Variants in HS3ST4 observed in about 807,000 individuals in gnomAD.
HS3ST4 encodes the protein heparan sulfate glucosamine 3-O-sulfotransferase 4.
A neutral mutation model predicts 29.2 loss-of-function variants in HS3ST4; 17 were observed. The observed-to-expected ratio is 0.58, with a 90% CI of 0.40 to 0.87. The LOEUF (loss-of-function observed/expected upper bound fraction) is 0.87, where lower values mean the gene tolerates loss of function less well. HS3ST4 is among the 40% of genes least tolerant of loss of function. The probability of loss-of-function intolerance (pLI) is 0.00; values close to 1 mark genes in which losing one functional copy is unlikely to be tolerated. For missense variants in HS3ST4, 627 were observed against 634.5 expected (o/e 0.99, Z 0.13); for synonymous variants, 314 against 285.7 (o/e 1.10, Z -1.00).
intron 1 of HS3ST4, among the ~76,000 whole-genome samples, chr16:25,803,423 T>A (rs1252932561): frequency 6.6e-6 from 1 of 152,198 alleles, no homozygotes; most frequent in Non-Finnish European, 1.5e-5. Flanking sequence ...TTTTCTTTGT[T>A]GTTCGTTGAT....
intron 1 of HS3ST4, among the ~76,000 whole-genome samples, chr16:25,936,175 A>G (rs1478249136): frequency 6.6e-6 from 1 of 152,210 alleles, no homozygotes; most frequent in Non-Finnish European, 1.5e-5. Context: ...TGATACCATT[A>G]TGTGGATTTC....
At chr16:25,918,758 T>C (rs1260887266) in intron 1 of HS3ST4, among the ~76,000 whole-genome samples, 1 of 152,140 alleles carries the variant, frequency 6.6e-6, no homozygotes, top group African/African-American at 2.4e-5. Flanking sequence ...TGAGCCGAGA[T>C]TGTGCCACTG....
At chr16:25,784,457 GAAGGAAATTAAAAGTTC>G (rs1966855492) in intron 1 of HS3ST4, among the ~76,000 whole-genome samples, 1 of 152,222 alleles carries the variant, frequency 6.6e-6, no homozygotes, top group Non-Finnish European at 1.5e-5. Context: ...GAAAGTTTTT[GAAGGAAATTAAAAGTTC>G]CACTCCAGTG....
intron 1 of HS3ST4, among the ~76,000 whole-genome samples, chr16:25,826,831 T>C (rs957991758): frequency 2.6e-5 from 4 of 152,138 alleles, no homozygotes; most frequent in Non-Finnish European, 5.9e-5. Context: ...TGAGTGGGTT[T>C]ATCTCTTTAT....
At chr16:25,904,201 T>C (rs1031993282) in intron 1 of HS3ST4, among the ~76,000 whole-genome samples, 6 of 151,874 alleles carry the variant, frequency 4.0e-5, no homozygotes, top group African/African-American at 1.2e-4. Context: ...GACAGATGAA[T>C]GGATGGATGG....
At chr16:26,050,788 G>A (rs1898332664) in intron 1 of HS3ST4, among the ~76,000 whole-genome samples, 1 of 152,142 alleles carries the variant, frequency 6.6e-6, no homozygotes, top group Non-Finnish European at 1.5e-5. Context: ...TTGTGTGAAG[G>A]CATGCATCCA....
intron 1 of HS3ST4, among the ~76,000 whole-genome samples, chr16:25,884,852 G>A (rs1967932929): frequency 6.6e-6 from 1 of 152,158 alleles, no homozygotes; most frequent in Non-Finnish European, 1.5e-5. Context: ...TAGGATTACA[G>A]GCGTCAACCA....
In HS3ST4 at chr16:25,952,363, G is replaced by C. The variant is rs183183496; in HGVS notation, c.735-183249G>C. Among the ~76,000 whole-genome samples the C allele has an allele frequency of 1.2e-3, 178 of 152,274 alleles. No individual in the cohort carries two copies. The Middle Eastern group carries it at 0.014, about 12-fold the overall frequency. ...CCAGGAAAGAAATGGAGTGATATAG[G>C]GGGGTATGCAGTCTCTGACCTTGAA... On this transcript the variant is annotated intron_variant, in intron 1 of 1. Coordinates refer to ENST00000331351, the MANE Select transcript of HS3ST4 (RefSeq NM_006040.3).
chr16:25,712,079 C>T (rs563970184), intron 1 of HS3ST4, among the ~76,000 whole-genome samples: 13 of 152,042 alleles, frequency 8.6e-5, no homozygotes, highest in Non-Finnish European at 1.5e-4. Flanking sequence ...AACACTTTTA[C>T]GTTTATAAAA....
At chr16:25,930,921 CA>C (rs971410807) in intron 1 of HS3ST4, among the ~76,000 whole-genome samples, 42 of 147,758 alleles carry the variant, frequency 2.8e-4, no homozygotes, top group East Asian at 4.0e-4. Context: ...AAAACAAAAA[CA>C]AAAAAAAAAC....
intron 1 of HS3ST4, among the ~76,000 whole-genome samples, chr16:25,793,022 T>G (rs1414589413): frequency 2.0e-5 from 3 of 151,924 alleles, no homozygotes; most frequent in Admixed American, 6.5e-5. Context: ...GTTTTACTCA[T>G]GGTTACTAAC....
intron 1 of HS3ST4, among the ~76,000 whole-genome samples, chr16:25,724,473 C>T (rs1163243183): frequency 6.6e-6 from 1 of 151,488 alleles, no homozygotes; most frequent in Non-Finnish European, 1.5e-5. Flanking sequence ...AAGCGATTCT[C>T]CTGCCTCAGT....
chr16:25,840,574 T>G (rs933951568), intron 1 of HS3ST4, among the ~76,000 whole-genome samples: 1 of 152,242 alleles, frequency 6.6e-6, no homozygotes, highest in East Asian at 1.9e-4. Context: ...GTAAAGATAA[T>G]GTAATATCAG....
intron 1 of HS3ST4, among the ~76,000 whole-genome samples, chr16:25,878,338 C>T (rs1055573320): frequency 1.3e-5 from 2 of 152,152 alleles, no homozygotes; most frequent in Non-Finnish European, 2.9e-5. Flanking sequence ...TTAATCATTC[C>T]CAGATTCTTT....
chr16:26,070,083 G>A (rs1415131136), intron 1 of HS3ST4, among the ~76,000 whole-genome samples: 2 of 152,080 alleles, frequency 1.3e-5, no homozygotes, highest in Admixed American at 6.6e-5. Context: ...GTAATGGGAT[G>A]GCTGGGTCAA....
At chr16:26,044,730 A>C (rs920871046) in intron 1 of HS3ST4, among the ~76,000 whole-genome samples, 1 of 151,838 alleles carries the variant, frequency 6.6e-6, no homozygotes, top group Non-Finnish European at 1.5e-5. Context: ...AGGCAGGGGC[A>C]TCTGCAGGTT....
chr16:25,887,126 G>T (rs548923797), intron 1 of HS3ST4, among the ~76,000 whole-genome samples: 7 of 152,108 alleles, frequency 4.6e-5, no homozygotes, highest in Non-Finnish European at 8.8e-5. Flanking sequence ...TGGGTGACCT[G>T]GGGGTGGGGG....
chr16:25,766,270 G>A (rs563091730), intron 1 of HS3ST4, among the ~76,000 whole-genome samples: 1 of 152,200 alleles, frequency 6.6e-6, no homozygotes, highest in South Asian at 2.1e-4. Context: ...CAATCTCCTG[G>A]CACCCAGGAG....
intron 1 of HS3ST4, among the ~76,000 whole-genome samples, chr16:26,008,425 T>A (rs1969278082): frequency 6.6e-6 from 1 of 152,196 alleles, no homozygotes; most frequent in Non-Finnish European, 1.5e-5. Flanking sequence ...AGGGTACCCC[T>A]CCCAGAGGGA....
Sources: allele counts gnomAD v4.1 joint callset (sites outside exome capture counted in the v4.1 genomes callset), GRCh38; gene constraint gnomAD v4.1.1; transcripts MANE v1.5; gene names NCBI Gene and HGNC (gene_info 2026-07-23, HGNC 2026-07-21).